Variants in TECR observed in about 807,000 individuals in gnomAD.
TECR encodes very-long-chain enoyl-CoA reductase.
TECR carries 19 observed loss-of-function variants against 50.6 expected under a neutral mutation model. That is an observed-to-expected ratio of 0.38 (90% CI 0.26 to 0.55). The LOEUF is 0.55. Among genes scored for constraint, TECR ranks in the 20% least tolerant of loss-of-function variants. The pLI is 0.79. For synonymous variants in TECR, 168 were observed against 163.5 expected (o/e 1.03, Z -0.21); for missense variants, 313 against 408.3 (o/e 0.77, Z 2.01).
At chr19:14,543,657 C>G (rs1210996341) in intron 1 of TECR, among the ~76,000 whole-genome samples, 5 of 150,136 alleles carry the variant, frequency 3.3e-5, no homozygotes, top group African/African-American at 1.2e-4. Context: ...CCAGGATGGT[C>G]TCGATCTCCT....
chr19:14,561,417 G>A (rs549181671), intron 1 of TECR, among the ~76,000 whole-genome samples: 1 of 152,216 alleles, frequency 6.6e-6, no homozygotes, highest in East Asian at 1.9e-4. Context: ...TCAGATCCCC[G>A]GGGGCTGCCT....
At chr19:14,551,269 T>G (rs1042826088) in intron 1 of TECR, among the ~76,000 whole-genome samples, 2 of 151,384 alleles carry the variant, frequency 1.3e-5, no homozygotes, top group African/African-American at 2.4e-5. Flanking sequence ...GAGATAGGGT[T>G]TCATCATGTT....
Position 14,564,847 on chromosome 19 carries a change from A to G in TECR, c.551A>G (p.Tyr184Cys). The change falls in exon 8 of 13, where the codon TAC becomes TGC. Residue 184 changes from tyrosine (Y) to cysteine (C), a missense_variant. Tyr to Cys is a radical substitution (Grantham distance 194, BLOSUM62 -2). Coordinates refer to ENST00000215567, the MANE Select transcript of TECR (RefSeq NM_138501.6). ...WMAYYINHPL[Y>C]TPPTYGAQQV... ...GCCTATTACATCAATCACCCTCTCT[A>G]CACTCCCCCTAGTAAGTGGCCTCAG... 6.2e-7 allele frequency: 1 copy of G among 1,613,302 alleles called. No homozygotes were observed. Among genetic ancestry groups the G allele is most frequent in the Middle Eastern group, 1.6e-4 (1 of 6,062 alleles).
At chr19:14,543,387 G>GAA (rs2073168086) in intron 1 of TECR, among the ~76,000 whole-genome samples, 2 of 35,710 alleles carry the variant, frequency 5.6e-5, no homozygotes, top group Non-Finnish European at 5.6e-5. Flanking sequence ...TTGTTTCAGA[G>GAA]AATATATATA....
intron 1 of TECR, among the ~76,000 whole-genome samples, chr19:14,554,596 G>C (rs2073653218): frequency 6.6e-6 from 1 of 152,194 alleles, no homozygotes; most frequent in Admixed American, 6.5e-5. Context: ...GTGTGTGCCA[G>C]GCCTTCAGGC....
chr19:14,549,211 C>CTTTTTTTTTTTTTTT (rs561284094), intron 1 of TECR, among the ~76,000 whole-genome samples: 1 of 111,160 alleles, frequency 9.0e-6, no homozygotes, highest in Non-Finnish European at 1.8e-5. Flanking sequence ...TTTAATTGGA[C>CTTTTTTTTTTTTTTT]TTTTTTTTTT....
chr19:14,538,248 A>G (rs572640130), intron 1 of TECR, among the ~76,000 whole-genome samples: 3 of 152,044 alleles, frequency 2.0e-5, no homozygotes, highest in African/African-American at 7.2e-5. Flanking sequence ...GGAAAGAATC[A>G]AGTGTGTGGT....
At chr19:14,542,347 G>GTGTTTTTTTT (rs2073125545) in intron 1 of TECR, among the ~76,000 whole-genome samples, 4 of 43,282 alleles carry the variant, frequency 9.2e-5, no homozygotes, top group African/African-American at 3.2e-4. Flanking sequence ...ATGCCATAGT[G>GTGTTTTTTTT]TTTTTTTTTT....
intron 1 of TECR, among the ~76,000 whole-genome samples, chr19:14,545,514 G>T: frequency 6.6e-6 from 1 of 152,158 alleles, no homozygotes; most frequent in East Asian, 1.9e-4. Flanking sequence ...TAGGGGGTGG[G>T]GGGGATAGCC....
At chr19:14,545,388 A>C (rs1277855417) in intron 1 of TECR, among the ~76,000 whole-genome samples, 1 of 142,738 alleles carries the variant, frequency 7.0e-6, no homozygotes, top group African/African-American at 2.5e-5. Flanking sequence ...GGGCACACCC[A>C]CTGTGGCCCT....
chr19:14,548,649 C>T (rs533040734), intron 1 of TECR, among the ~76,000 whole-genome samples: 3 of 152,120 alleles, frequency 2.0e-5, no homozygotes, highest in Non-Finnish European at 1.5e-5. Flanking sequence ...GCGATCTCGA[C>T]TCACTGCAAC....
intron 1 of TECR, among the ~76,000 whole-genome samples, chr19:14,532,752 A>G (rs968116564): frequency 6.6e-6 from 1 of 152,178 alleles, no homozygotes; most frequent in African/African-American, 2.4e-5. Context: ...GGTCAGTAAA[A>G]ATAGAAAGGA....
At chr19:14,534,960 G>A (rs945266693) in intron 1 of TECR, among the ~76,000 whole-genome samples, 2 of 152,292 alleles carry the variant, frequency 1.3e-5, no homozygotes, top group Admixed American at 6.5e-5. Context: ...GTGTTCTGAG[G>A]ACAGAGCATC....
Position 14,535,401 on chromosome 19 carries a change from G to C in TECR, c.15+5690G>C, listed in dbSNP as rs1599414726. Among the ~76,000 whole-genome samples the C allele has an allele frequency of 2.0e-5, 3 of 147,908 alleles. No homozygotes were observed. In the East Asian group the frequency reaches 6.1e-4, roughly 30 times the overall value. On this transcript the variant is annotated intron_variant, in intron 1 of 12. Transcript: ENST00000215567. ...TGGGTACCTGTAGTCCCAGCTACTT[G>C]GGAGGCTGAGGCAGGAGAATGGCTT... is the stretch of plus-strand genomic sequence containing the variant.
In TECR at chr19:14,565,303, C is replaced by T. The variant is rs779655899; in HGVS notation, c.753+13C>T. On this transcript the variant is annotated intron_variant, in intron 11 of 12. Transcript: ENST00000215567. ...CTACACCTACGAGGTGAGGGGCTGCCTTACCCCTCTCTGCCCTGGGACTTG... is the reference window on the plus strand; with the variant it reads ...CTACACCTACGAGGTGAGGGGCTGCTTTACCCCTCTCTGCCCTGGGACTTG... The T allele has an allele frequency of 1.5e-5, 24 of 1,612,220 alleles. No homozygotes were observed. The highest frequency in any genetic ancestry group is 1.3e-4 in the African/African-American group (10 of 74,888).
At position 14,563,975 on chromosome 19, in the gene TECR, C is replaced by T. The variant is rs1599501251; in HGVS notation, c.268-7C>T. 1 of 1,614,066 alleles carries T rather than the reference C, an allele frequency of 6.2e-7. No individual in the cohort carries two copies. Among genetic ancestry groups the T allele is most frequent in the Non-Finnish European group, 8.5e-7 (1 of 1,179,926 alleles). The stretch of plus-strand genomic sequence containing the variant: ...GGGTGACTCATCTTGCCCCCCTCTA[C>T]TCTCAGGTCTTCCTAACAGAGTACG... On this transcript the variant is annotated splice_polypyrimidine_tract_variant and splice_region_variant and intron_variant, in intron 5 of 12. Transcript: ENST00000215567. This position sits in a 1 kb window ranked among gnomAD's most constrained non-coding sequence, Gnocchi z 5.3.
chr19:14,547,410 GA>G (rs1315244069), intron 1 of TECR, among the ~76,000 whole-genome samples: 1 of 151,976 alleles, frequency 6.6e-6, no homozygotes, highest in Non-Finnish European at 1.5e-5. Flanking sequence ...GCCCAGGCTG[GA>G]GTGCAGTGGC....
chr19:14,529,511 C>T (rs1568387837), upstream of TECR: 9 of 770,078 alleles, frequency 1.2e-5, no homozygotes, highest in South Asian at 5.8e-5. Flanking sequence ...CCCCAAGGAG[C>T]AGGGGCGAAC....
intron 1 of TECR, among the ~76,000 whole-genome samples, chr19:14,538,745 C>T (rs1189587759): frequency 1.3e-5 from 2 of 151,520 alleles, no homozygotes; most frequent in Non-Finnish European, 2.9e-5. Flanking sequence ...CTTGGCCAGG[C>T]TGGTCTTGAA....
Sources: allele counts gnomAD v4.1 joint callset (sites outside exome capture counted in the v4.1 genomes callset), GRCh38; gene constraint gnomAD v4.1.1; non-coding constraint Gnocchi (gnomAD v3.1); transcripts MANE v1.5; gene names NCBI Gene and HGNC (gene_info 2026-07-23, HGNC 2026-07-21).